EIF4G3: variants seen among roughly 807,000 people sequenced by gnomAD.
EIF4G3 encodes eukaryotic translation initiation factor 4 gamma 3.
In EIF4G3, 34 loss-of-function variants were observed where a neutral mutation model predicts 186.4. The ratio of observed to expected loss-of-function variants is 0.18; its 90% CI spans 0.14 to 0.24. The LOEUF (loss-of-function observed/expected upper bound fraction) is 0.24. EIF4G3 is among the 10% of genes least tolerant of loss of function. The probability of loss-of-function intolerance (pLI) is 1.00; values close to 1 mark genes in which losing one functional copy is unlikely to be tolerated. For missense variants in EIF4G3, 1,536 were observed against 1,948.5 expected (o/e 0.79, Z 3.99); for synonymous variants, 673 against 679.5 (o/e 0.99, Z 0.15).
chr1:21,037,275 C>G (rs1394546579), intron 4 of EIF4G3, among the ~76,000 whole-genome samples: 2 of 151,518 alleles, frequency 1.3e-5, no homozygotes, highest in Non-Finnish European at 2.9e-5. Context: ...AATAAAGCAT[C>G]CACACTGCAA....
At chr1:20,972,660 T>A (rs938395343) in intron 11 of EIF4G3, among the ~76,000 whole-genome samples, 12 of 151,616 alleles carry the variant, frequency 7.9e-5, no homozygotes, top group South Asian at 6.2e-4. Flanking sequence ...AAGACTGGTG[T>A]TAAAGGAGAG....
intron 3 of EIF4G3, among the ~76,000 whole-genome samples, chr1:21,071,588 C>T (rs1416000168): frequency 6.6e-6 from 1 of 152,168 alleles, no homozygotes; most frequent in African/African-American, 2.4e-5. Context: ...GATCCCAGCA[C>T]TTTGGGAAGC....
At chr1:21,143,425 A>C (rs961689069) in intron 2 of EIF4G3, among the ~76,000 whole-genome samples, 1 of 152,130 alleles carries the variant, frequency 6.6e-6, no homozygotes, top group Non-Finnish European at 1.5e-5. Context: ...CTAAGAAAGA[A>C]TACTATAAAA....
chr1:21,132,031 TA>T (rs1241214736), intron 2 of EIF4G3, among the ~76,000 whole-genome samples: 1 of 152,054 alleles, frequency 6.6e-6, no homozygotes, highest in Non-Finnish European at 1.5e-5. Flanking sequence ...CACAGAATTT[TA>T]TGTGAGGAAA....
chr1:21,155,590 G>A (rs1573478673), intron 2 of EIF4G3, among the ~76,000 whole-genome samples: 1 of 152,082 alleles, frequency 6.6e-6, no homozygotes, highest in East Asian at 1.9e-4. Flanking sequence ...CAGCCACTTG[G>A]GAGGCTAATG....
At chr1:20,827,479 A>C in intron 32 of EIF4G3, 138 bp downstream of exon 32, 1 of 397,874 alleles carries the variant, frequency 2.5e-6, no homozygotes, top group East Asian at 3.7e-5. Flanking sequence ...GCACCTCAGA[A>C]AGAAACTGGG....
intron 3 of EIF4G3, among the ~76,000 whole-genome samples, chr1:21,088,875 AAATAAT>A (rs562634419): frequency 6.6e-6 from 1 of 152,056 alleles, no homozygotes; most frequent in Non-Finnish European, 1.5e-5. Context: ...AAAATAATAA[AAATAAT>A]AATAATAATA....
chr1:21,063,471 A>G (rs1194632445), intron 3 of EIF4G3, among the ~76,000 whole-genome samples: 1 of 152,218 alleles, frequency 6.6e-6, no homozygotes, highest in East Asian at 1.9e-4. Context: ...CTAACTCATT[A>G]GAGAACAAGT....
chr1:20,856,936 G>A (rs2075084290), intron 25 of EIF4G3, among the ~76,000 whole-genome samples: 1 of 152,100 alleles, frequency 6.6e-6, no homozygotes, highest in Non-Finnish European at 1.5e-5. Flanking sequence ...GCCGAGGTGG[G>A]TGGATCACAA....
intron 3 of EIF4G3, among the ~76,000 whole-genome samples, chr1:21,058,719 C>CTTTTTT (rs66576703): frequency 2.9e-4 from 24 of 82,028 alleles, no homozygotes; most frequent in East Asian, 9.1e-4. Context: ...CTCTCTCTCT[C>CTTTTTT]TTTTTTTTTT....
At chr1:21,147,033 C>T (rs753890464) in intron 2 of EIF4G3, among the ~76,000 whole-genome samples, 3 of 151,742 alleles carry the variant, frequency 2.0e-5, no homozygotes, top group Non-Finnish European at 2.9e-5. Context: ...GAGGCTGAGG[C>T]GGGCAGATCA....
rs369387327 is a variant in EIF4G3, at chr1:20,817,423, G to A, written c.4484C>T (p.Ala1495Val). 81 of 1,605,458 alleles carry A rather than the reference G, an allele frequency of 5.0e-5. No individual in the cohort carries two copies. The highest frequency in any genetic ancestry group is 1.7e-4 in the Middle Eastern group (1 of 6,042). ...CCAGTCAAAGATCTGTTCATCATTC[G>A]CTTTGTCCTCAATAATGAGTTTCTC... is the stretch of plus-strand genomic sequence containing the variant. The part of the protein sequence containing the change: ...RLEKLIIEDK[A>V]NDEQIFDWVE... Residue 1495 changes from alanine (A) to valine (V), a missense_variant, in exon 34 of 37, where the codon GCG becomes GTG. Ala to Val is a moderately conservative substitution (Grantham distance 64, BLOSUM62 0). Transcript: ENST00000602326.
intron 15 of EIF4G3, among the ~76,000 whole-genome samples, chr1:20,903,376 T>C (rs1305353691): frequency 6.6e-6 from 1 of 152,144 alleles, no homozygotes; most frequent in Non-Finnish European, 1.5e-5. Flanking sequence ...GAGTGGCCTA[T>C]ATAATATTCA....
intron 2 of EIF4G3, among the ~76,000 whole-genome samples, chr1:21,158,269 G>A (rs935901954): frequency 2.8e-5 from 4 of 145,416 alleles, no homozygotes; most frequent in Non-Finnish European, 4.5e-5. Context: ...TCCACCTCAC[G>A]GACTCAAGCA....
At chr1:21,106,025 C>T (rs1241090432) in intron 2 of EIF4G3, among the ~76,000 whole-genome samples, 1 of 151,866 alleles carries the variant, frequency 6.6e-6, no homozygotes, top group Non-Finnish European at 1.5e-5. Flanking sequence ...TATGAATGTG[C>T]CACTGCACTC....
chr1:21,116,933 T>C (rs2096835649), intron 2 of EIF4G3, among the ~76,000 whole-genome samples: 1 of 151,834 alleles, frequency 6.6e-6, no homozygotes, highest in Non-Finnish European at 1.5e-5. Context: ...GCATTAAACA[T>C]TTCATTAAAA....
intron 4 of EIF4G3, among the ~76,000 whole-genome samples, chr1:21,023,511 C>T (rs12048591): frequency 0.36 from 54,893 of 151,784 alleles, 11,561 homozygotes; most frequent in East Asian, 0.66. Flanking sequence ...CCGCCAGCCT[C>T]GGCCTCCCGA....
chr1:21,036,642 G>A (rs2093225934), intron 4 of EIF4G3, among the ~76,000 whole-genome samples: 1 of 152,150 alleles, frequency 6.6e-6, no homozygotes, highest in Admixed American at 6.5e-5. Context: ...CACTTTGGGA[G>A]GCTGAGGCAG....
intron 3 of EIF4G3, among the ~76,000 whole-genome samples, chr1:21,053,632 G>C (rs1384971075): frequency 5.0e-5 from 7 of 140,046 alleles, no homozygotes; most frequent in South Asian, 2.2e-4. Context: ...GCCCCGTCCG[G>C]GAGGTGAGGG....
Sources: allele counts gnomAD v4.1 joint callset (sites outside exome capture counted in the v4.1 genomes callset), GRCh38; gene constraint gnomAD v4.1.1; transcripts MANE v1.5; gene names NCBI Gene and HGNC (gene_info 2026-07-23, HGNC 2026-07-21).